Variants in ENPP1 observed in about 807,000 individuals in gnomAD.
The protein encoded by ENPP1 is ectonucleotide pyrophosphatase/phosphodiesterase family member 1.
Under a neutral mutation model 122.8 loss-of-function variants are expected in ENPP1, and 73 were observed. That is an observed-to-expected ratio of 0.59 (90% CI 0.49 to 0.72). The LOEUF is 0.72. Ranked by LOEUF, ENPP1 falls within the 30% of genes least tolerant of loss-of-function variation. The pLI, the probability that ENPP1 is intolerant of heterozygous loss-of-function variation, is 0.00. For synonymous variants in ENPP1, 367 were observed against 391.6 expected, an observed-to-expected ratio of 0.94 and a Z score of 0.74; for missense variants, 978 against 1,128.1, an observed-to-expected ratio of 0.87 and a Z score of 1.91.
chr6:131,874,316 C>A lies in ENPP1; in HGVS notation c.1614C>A (p.Asp538Glu). Residue 538 changes from aspartate (D) to glutamate (E), a missense_variant, in exon 16 of 25, where the codon GAC becomes GAA. Around this residue, in one of 3 missense-constraint regions of ENPP1, gnomAD observed 644 missense variants for 781.5 expected, o/e 0.82. Transcript: ENST00000647893. Reference protein sequence around the residue: ...KYCGSGFHGSDNVFSNMQALF... With the variant: ...KYCGSGFHGSENVFSNMQALF... The stretch of plus-strand genomic sequence containing the variant: ...GTGGAAGTGGATTTCATGGCTCTGA[C>A]AATGTATTTTCAAATATGCAAGTGA... 6.3e-7 allele frequency: 1 copy of A among 1,593,496 alleles called. No individual in the cohort carries two copies.
intron 12 of ENPP1, 69 bp from the exon 13 acceptor site, chr6:131,869,289 A>T: frequency 1.3e-6 from 2 of 1,485,680 alleles, no homozygotes; most frequent in South Asian, 1.1e-5. Context: ...AAGTGAAAGA[A>T]GTTCTGCTCT....
intron 1 of ENPP1, chr6:131,828,160 C>G (rs1409181): frequency 0.5 from 289,182 of 576,310 alleles, 74,322 homozygotes; most frequent in South Asian, 0.59. Context: ...GGATCGGAAA[C>G]TGATGTCCCG....
intron 15 of ENPP1, among the ~76,000 whole-genome samples, chr6:131,873,707 G>A (rs1254507663): frequency 2.0e-5 from 3 of 151,840 alleles, no homozygotes; most frequent in Non-Finnish European, 4.4e-5. Flanking sequence ...CAAGAAGCTA[G>A]TCATGATACA....
In ENPP1 at chr6:131,808,323, G is replaced by A. The variant is rs778479534; in HGVS notation, c.240+48G>A. 185 of 1,466,334 alleles carry A rather than the reference G, an allele frequency of 1.3e-4. No individual in the cohort carries two copies. The African/African-American group carries it at 1.5e-3, about 12-fold the overall frequency. 90.8% of individuals were successfully genotyped at this position (1,466,334 alleles called of 1,614,324 possible). On this transcript the variant is annotated intron_variant, in intron 1 of 24. Transcript: ENST00000647893. ...GCGCCCGGGAGGGCTGGGAGTACGGGGAGGGCGGCGCCGAGCTCCTGCGCT... is the reference window on the plus strand; with the variant it reads ...GCGCCCGGGAGGGCTGGGAGTACGGAGAGGGCGGCGCCGAGCTCCTGCGCT...
chr6:131,847,617 G>C (rs1004895282), intron 1 of ENPP1, among the ~76,000 whole-genome samples, 159 bp from the exon 2 acceptor site: 8 of 152,098 alleles, frequency 5.3e-5, no homozygotes, highest in African/African-American at 1.9e-4. Context: ...GAGGCAGGAG[G>C]ATCCCTTGAT....
intron 7 of ENPP1, among the ~76,000 whole-genome samples, chr6:131,859,194 AT>A (rs1241359585): frequency 1.3e-5 from 2 of 152,138 alleles, no homozygotes; most frequent in Non-Finnish European, 2.9e-5. Context: ...GTGTTTCCAG[AT>A]TTAATTTGAG....
chr6:131,829,994 T>TGGC (rs1351055214), intron 1 of ENPP1, among the ~76,000 whole-genome samples: 2 of 152,194 alleles, frequency 1.3e-5, no homozygotes, highest in Non-Finnish European at 2.9e-5. Flanking sequence ...TTCTCTGAGT[T>TGGC]GGCGGATCAA....
At chr6:131,857,664 G>C (rs1026014932) in intron 6 of ENPP1, among the ~76,000 whole-genome samples, 3 of 152,062 alleles carry the variant, frequency 2.0e-5, no homozygotes, top group Non-Finnish European at 4.4e-5. Flanking sequence ...GTGGGGTGAG[G>C]GGGGAGCGAT....
chr6:131,848,798 A>C (rs1781845060), intron 2 of ENPP1, among the ~76,000 whole-genome samples: 1 of 152,158 alleles, frequency 6.6e-6, no homozygotes, highest in Admixed American at 6.6e-5. Context: ...ATGAGCTCCA[A>C]GTAATAGCTA....
At chr6:131,813,008 T>A (rs916376424) in intron 1 of ENPP1, among the ~76,000 whole-genome samples, 1 of 152,004 alleles carries the variant, frequency 6.6e-6, no homozygotes, top group African/African-American at 2.4e-5. Context: ...CCTGGCTAAT[T>A]TTTTTGTATT....
chr6:131,872,750 TG>T (rs1782177856), intron 14 of ENPP1, among the ~76,000 whole-genome samples, 172 bp from the exon 15 acceptor site: 1 of 152,110 alleles, frequency 6.6e-6, no homozygotes, highest in African/African-American at 2.4e-5. Flanking sequence ...GCTGATGAAA[TG>T]TTTGTGAAAA....
intron 17 of ENPP1, among the ~76,000 whole-genome samples, chr6:131,876,715 T>C (rs1782234271): frequency 6.6e-6 from 1 of 152,190 alleles, no homozygotes; most frequent in Admixed American, 6.5e-5. Flanking sequence ...AGTACCATGA[T>C]TGGCAAAAAT....
At position 131,840,205 on chromosome 6, in the gene ENPP1, A is replaced by G. The variant is rs374871161; in HGVS notation, c.241-7571A>G. On this transcript the variant is annotated intron_variant, in intron 1 of 24. Coordinates refer to ENST00000647893, the MANE Select transcript of ENPP1 (RefSeq NM_006208.3). ...TGTTTACATGGATTCCCTTTTCAGT[A>G]GCATGGGCTGGAAGGCCACTGTATA... 1.0e-3 allele frequency among the ~76,000 whole-genome samples: 154 copies of G among 152,334 alleles called. 6 individuals carry two copies. In the South Asian group the frequency reaches 0.029, roughly 29 times the overall value.
chr6:131,852,905 G>T (rs1781899511), intron 5 of ENPP1, among the ~76,000 whole-genome samples: 1 of 151,674 alleles, frequency 6.6e-6, no homozygotes, highest in Admixed American at 6.6e-5. Context: ...TTGTCCTTCA[G>T]ATATTTTGTA....
intron 1 of ENPP1, among the ~76,000 whole-genome samples, chr6:131,842,204 T>G (rs918803667): frequency 3.3e-5 from 5 of 152,190 alleles, no homozygotes; most frequent in African/African-American, 1.2e-4. Context: ...TTAAATGATT[T>G]AATATAAAAC....
At chr6:131,835,018 A>C (rs959633292) in intron 1 of ENPP1, among the ~76,000 whole-genome samples, 1 of 152,208 alleles carries the variant, frequency 6.6e-6, no homozygotes, top group African/African-American at 2.4e-5. Flanking sequence ...TTTATTGATA[A>C]AGGGACATAA....
chr6:131,875,418 A>T lies in ENPP1; in HGVS notation c.1636-358A>T, dbSNP rs1231078210. On this transcript the variant is annotated intron_variant, in intron 16 of 24. Coordinates refer to ENST00000647893, the MANE Select transcript of ENPP1 (RefSeq NM_006208.3). ...TATCTTACATTTACCCAGCACTTTAACATTTTCAAAATAAACTTACAATAA... is the reference window on the plus strand; with the variant it reads ...TATCTTACATTTACCCAGCACTTTATCATTTTCAAAATAAACTTACAATAA... Among the ~76,000 whole-genome samples, 4 of 152,062 alleles carry T rather than the reference A, an allele frequency of 2.6e-5. No homozygotes were observed. In the East Asian group the frequency reaches 7.7e-4, roughly 29 times the overall value.
At chr6:131,869,655 C>A (rs561368229) in intron 13 of ENPP1, among the ~76,000 whole-genome samples, 166 bp downstream of exon 13, 1 of 151,548 alleles carries the variant, frequency 6.6e-6, no homozygotes, top group East Asian at 2.0e-4. Flanking sequence ...ATGGTGAAAC[C>A]CTAAAAATAC....
At chr6:131,888,250 T>TTTC (rs397750391) in intron 24 of ENPP1, among the ~76,000 whole-genome samples, 8 of 149,604 alleles carry the variant, frequency 5.3e-5, no homozygotes, top group African/African-American at 1.8e-4. Context: ...TTTTTTTTTT[T>TTTC]CATTGAAGTG....
Sources: allele counts gnomAD v4.1 joint callset (sites outside exome capture counted in the v4.1 genomes callset), GRCh38; gene constraint gnomAD v4.1.1; regional missense constraint gnomAD v4.1.1; transcripts MANE v1.5; gene names NCBI Gene and HGNC (gene_info 2026-07-23, HGNC 2026-07-21).